The following VPS39 variants were observed in gnomAD, a reference collection of about 807,000 sequenced individuals.
VPS39 encodes the protein VPS39 subunit of HOPS complex.
Under a neutral mutation model 121.0 loss-of-function variants are expected in VPS39, and 70 were observed. The observed-to-expected ratio is 0.58, with a 90% CI of 0.48 to 0.71. The LOEUF is 0.71. VPS39 is among the 30% of genes least tolerant of loss of function. VPS39 has a pLI of 0.00. For missense variants in VPS39, 818 were observed against 1,051.5 expected, an observed-to-expected ratio of 0.78 and a Z score of 3.07; for synonymous variants, 378 against 398.1, an observed-to-expected ratio of 0.95 and a Z score of 0.60.
chr15:42,193,612 G>A (rs944654514), intron 2 of VPS39, among the ~76,000 whole-genome samples: 3 of 152,108 alleles, frequency 2.0e-5, no homozygotes, highest in Non-Finnish European at 1.5e-5. Flanking sequence ...GGTTCACTGA[G>A]TTATGCAGAT....
chr15:42,160,822 C>T lies in VPS39; in HGVS notation c.2560G>A (p.Ala854Thr), dbSNP rs1210794254. Residue 854 changes from alanine to threonine, a missense_variant, in exon 25 of 25, where the codon GCA becomes ACA. By Grantham distance (58) the Ala-to-Thr change is moderately conservative (BLOSUM62 0). Transcript: ENST00000318006. The part of the protein sequence containing the change: ...CKKKIGNSAF[A>T]RYPNGVVVHY... ...ACGACCACTCCATTGGGGTATCTTG[C>T]AAATGCACTGCAGGGAAGAAAATGG... The T allele has an allele frequency of 1.9e-6, 3 of 1,614,086 alleles. No individual in the cohort carries two copies. The South Asian group carries it at 3.3e-5, about 18-fold the overall frequency.
intron 21 of VPS39, 76 bp downstream of exon 21, chr15:42,163,274 A>AT: frequency 6.4e-7 from 1 of 1,553,880 alleles, no homozygotes; most frequent in Non-Finnish European, 8.9e-7. Flanking sequence ...TCTGCCACTC[A>AT]TATTATTGCC....
At chr15:42,163,210 C>T in intron 21 of VPS39, 140 bp downstream of exon 21, 1 of 1,011,486 alleles carries the variant, frequency 9.9e-7, no homozygotes, top group Non-Finnish European at 1.5e-6. Flanking sequence ...CCCTGCTGTC[C>T]CTCAATACAC....
Position 42,164,377 on chromosome 15 carries a change from G to C in VPS39, c.2007C>G (p.Ile669Met). 6.2e-7 allele frequency: 1 copy of C among 1,614,138 alleles called. No individual in the cohort carries two copies. Among genetic ancestry groups the C allele is most frequent in the Non-Finnish European group, 8.5e-7 (1 of 1,179,984 alleles). The change falls in exon 19 of 25, where the codon ATC becomes ATG. Residue 669 changes from isoleucine to methionine, a missense_variant. Ile to Met is a conservative substitution (Grantham distance 10). Transcript: ENST00000318006. ...ACTCACCATCAAAGGGAAAATCACA[G>C]ATGAGCCGGCCTGGATCATAGTAGC... ...ISSYYDPGRL[I>M]CDFPFDGLLE...
intron 17 of VPS39, 83 bp from the exon 18 acceptor site, chr15:42,165,196 C>A: frequency 7.8e-7 from 1 of 1,275,248 alleles, no homozygotes; most frequent in Non-Finnish European, 1.1e-6. Flanking sequence ...TTTTAAGGCC[C>A]AACAGGTCCC....
chr15:42,197,146 A>C (rs2049957347), intron 2 of VPS39, among the ~76,000 whole-genome samples: 1 of 125,688 alleles, frequency 8.0e-6, no homozygotes, highest in Admixed American at 1.0e-4. Context: ...GGACACAGGA[A>C]GGGGAACATC....
chr15:42,173,520 T>C, intron 11 of VPS39: 1 of 524,412 alleles, frequency 1.9e-6, no homozygotes, highest in Non-Finnish European at 3.1e-6. Flanking sequence ...AGTCCACATT[T>C]ATTGAGAAGA....
At chr15:42,186,266 T>G (rs1415953993) in intron 7 of VPS39, among the ~76,000 whole-genome samples, 1 of 127,964 alleles carries the variant, frequency 7.8e-6, no homozygotes, top group African/African-American at 3.8e-5. Flanking sequence ...ACCCCATCTC[T>G]ACAAAAATAC....
chr15:42,161,249 T>G (rs1595632988), intron 24 of VPS39: 1 of 311,464 alleles, frequency 3.2e-6, no homozygotes, highest in East Asian at 7.5e-5. Context: ...CACTCTCCTT[T>G]GAAGAAAAGG....
At chr15:42,191,101 T>C (rs1206135820) in intron 4 of VPS39, 24 bp downstream of exon 4, 2 of 1,612,692 alleles carry the variant, frequency 1.2e-6, no homozygotes, top group South Asian at 2.2e-5. Context: ...AGACACAGGA[T>C]ACAAATGCAA....
intron 7 of VPS39, among the ~76,000 whole-genome samples, chr15:42,186,435 T>G (rs1356717842): frequency 6.6e-6 from 1 of 152,142 alleles, no homozygotes; most frequent in Non-Finnish European, 1.5e-5. Context: ...AGGGGTACCC[T>G]GTCTCAAATA....
At chr15:42,167,565 G>A in intron 12 of VPS39, 28 bp from the exon 13 acceptor site, 1 of 1,611,710 alleles carries the variant, frequency 6.2e-7, no homozygotes, top group Non-Finnish European at 8.5e-7. Flanking sequence ...TGGGGTTAAG[G>A]CCAGGACTAA....
intron 1 of VPS39, among the ~76,000 whole-genome samples, chr15:42,201,740 C>T (rs1338237179): frequency 6.6e-6 from 1 of 152,138 alleles, no homozygotes; most frequent in African/African-American, 2.4e-5. Flanking sequence ...CCCTGACAGA[C>T]CCATATTACA....
Position 42,187,148 on chromosome 15 carries a change from C to T in VPS39, c.534+123G>A, listed in dbSNP as rs2049720023. The T allele has an allele frequency of 8.8e-6, 6 of 683,482 alleles. No individual in the cohort carries two copies. In the South Asian group the frequency reaches 1.3e-4, roughly 14 times the overall value. The allele number at this position is 683,482 out of a possible 1,614,324, so 42.3% of individuals were successfully genotyped here. On this transcript the variant is annotated intron_variant, in intron 7 of 24. Transcript: ENST00000318006. ...TGAGCATGAATGATAACTACACATA[C>T]AAATAACAAATCCTGTTATGCCAAA...
At chr15:42,178,073 G>A (rs564889933) in intron 10 of VPS39, 145 bp downstream of exon 10, 41 of 1,008,562 alleles carry the variant, frequency 4.1e-5, no homozygotes, top group African/African-American at 4.0e-4. Context: ...GATATTTTAC[G>A]GTGGAGTCAG....
chr15:42,192,767 T>TTTTTG (rs922150473), intron 2 of VPS39, among the ~76,000 whole-genome samples: 1 of 150,010 alleles, frequency 6.7e-6, no homozygotes, highest in South Asian at 2.1e-4. Context: ...TTTTCTTATT[T>TTTTTG]TTTTGTTTTG....
chr15:42,203,451 G>C (rs1029264106), intron 1 of VPS39, among the ~76,000 whole-genome samples: 23 of 150,414 alleles, frequency 1.5e-4, no homozygotes, highest in African/African-American at 5.5e-4. Context: ...TCCAGCCTGG[G>C]TGACGGGGCA....
intron 7 of VPS39, among the ~76,000 whole-genome samples, chr15:42,185,225 C>T (rs982944847): frequency 6.7e-6 from 1 of 148,924 alleles, no homozygotes; most frequent in Non-Finnish European, 1.5e-5. Flanking sequence ...GTCGCCCAGG[C>T]TGGAGTGCAG....
chr15:42,199,436 G>A, intron 2 of VPS39: 1 of 298,248 alleles, frequency 3.4e-6, no homozygotes, highest in Non-Finnish European at 6.5e-6. Context: ...CAGCCAGGGG[G>A]AAGTGCACAT....
Sources: gnomAD v4.1 joint callset for allele counts (sites outside exome capture counted in the v4.1 genomes callset) on GRCh38, gnomAD v4.1.1 for gene constraint, MANE v1.5 for transcripts, NCBI Gene and HGNC (gene_info 2026-07-23, HGNC 2026-07-21) for gene names.